Variants in NIPBL observed in about 807,000 individuals in gnomAD.
NIPBL encodes the protein NIPBL cohesin loading factor.
In NIPBL, 19 loss-of-function variants were observed where a neutral mutation model predicts 321.8. That is an observed-to-expected ratio of 0.06 (90% confidence interval 0.04 to 0.09). The LOEUF (loss-of-function observed/expected upper bound fraction) is 0.09. Among genes scored for constraint, NIPBL ranks in the 10% least tolerant of loss-of-function variants. The probability of loss-of-function intolerance (pLI) is 1.00; values close to 1 mark genes in which losing one functional copy is unlikely to be tolerated. For synonymous variants in NIPBL, 1,106 were observed against 1,114.1 expected, an observed-to-expected ratio of 0.99 and a Z score of 0.14; for missense variants, 2,210 against 3,327.0, an observed-to-expected ratio of 0.66 and a Z score of 8.26.
chr5:37,007,981 T>C, intron 18 of NIPBL, 27 bp from the exon 19 acceptor site: 1 of 1,317,558 alleles, frequency 7.6e-7, no homozygotes, highest in Non-Finnish European at 1.1e-6. Flanking sequence ...TAAAGGTGTA[T>C]ACTACTTACT....
At chr5:37,005,280 C>T (rs1196979887) in intron 16 of NIPBL, among the ~76,000 whole-genome samples, 1 of 152,000 alleles carries the variant, frequency 6.6e-6, no homozygotes, top group Non-Finnish European at 1.5e-5. Context: ...TTACTTTTTG[C>T]ATCACAGAAA....
chr5:37,057,677 CACA>C (rs1381681554), intron 43 of NIPBL, among the ~76,000 whole-genome samples: 4 of 152,178 alleles, frequency 2.6e-5, no homozygotes, highest in African/African-American at 7.2e-5. Flanking sequence ...ATGCTGTAAT[CACA>C]ACATTACACA....
intron 1 of NIPBL, among the ~76,000 whole-genome samples, chr5:36,892,484 C>A (rs554813063): frequency 6.6e-6 from 1 of 152,266 alleles, no homozygotes; most frequent in African/African-American, 2.4e-5. Flanking sequence ...AAGACACATG[C>A]ACACGTATGT....
rs293756 is a variant in NIPBL at position 36,985,649 on chromosome 5, A to G, written c.2469A>G (p.Lys823=). Reference sequence around the variant, plus strand: ...GACGTGACCATGATAATAAACAAAAATCAGATGACAGGGGTGAATCAGAGC... The same window carrying G: ...GACGTGACCATGATAATAAACAAAAGTCAGATGACAGGGGTGAATCAGAGC... ...SLRRDHDNKQ[K]SDDRGESERH... is the part of the protein sequence containing the mutation. Residue 823 remains lysine (K), a synonymous_variant, in exon 10 of 47, where the codon AAA becomes AAG. Coordinates refer to ENST00000282516, the MANE Select transcript of NIPBL (RefSeq NM_133433.4). 9,711 of 1,613,946 alleles carry G rather than the reference A, an allele frequency of 6.0e-3. 516 individuals are homozygous for G. In the African/African-American group the frequency reaches 0.12, roughly 19 times the overall value.
rs1390862400 is a variant in NIPBL, at chr5:37,038,486, TGAG to T, written c.5972-114_5972-112del. 3.9e-6 allele frequency: 3 copies of T among 769,206 alleles called. No homozygotes were observed. The South Asian group carries it at 5.4e-5, about 14-fold the overall frequency. 47.6% of individuals were successfully genotyped at this position (769,206 alleles called of 1,614,324 possible). ...CATAAGAACTACTAATTCATTATATTGAGGCCTATACTGGACCTATTTAGGGGA... is the reference window on the plus strand; with the variant it reads ...CATAAGAACTACTAATTCATTATATTGCCTATACTGGACCTATTTAGGGGA... On this transcript the variant is annotated intron_variant, in intron 33 of 46. Transcript: ENST00000282516.
At chr5:36,983,453 C>T (rs2149640673) in intron 9 of NIPBL, among the ~76,000 whole-genome samples, 1 of 151,990 alleles carries the variant, frequency 6.6e-6, no homozygotes, top group African/African-American at 2.4e-5. Flanking sequence ...AAAAAAATCA[C>T]AACTTGGTTC....
intron 1 of NIPBL, among the ~76,000 whole-genome samples, chr5:36,941,512 C>CA (rs777774119): frequency 0.014 from 1,273 of 91,310 alleles, 13 homozygotes; most frequent in Middle Eastern, 0.052. Flanking sequence ...AACCCAGAAC[C>CA]AAAAAAAAAA....
rs370655684 is a variant in NIPBL at position 36,943,489 on chromosome 5, A to G, written c.-79-10129A>G. On this transcript the variant is annotated intron_variant, in intron 1 of 46. Coordinates refer to ENST00000282516, the MANE Select transcript of NIPBL (RefSeq NM_133433.4). The stretch of plus-strand genomic sequence containing the variant: ...ACATAGATTGAATGCTATATCTATC[A>G]TATTCCAAGCAGCTTTGTAGAAACT... Among the ~76,000 whole-genome samples, 17 of 152,290 alleles carry G rather than the reference A, an allele frequency of 1.1e-4. No individual in the cohort carries two copies. In the East Asian group the frequency reaches 2.9e-3, roughly 26 times the overall value.
intron 33 of NIPBL, among the ~76,000 whole-genome samples, chr5:37,038,265 C>A (rs1322543401): frequency 6.6e-6 from 1 of 152,176 alleles, no homozygotes; most frequent in East Asian, 1.9e-4. Flanking sequence ...GCTGGGATTA[C>A]AGGTGTGAGC....
chr5:36,877,061 T>G lies in NIPBL; in HGVS notation c.-197T>G. 2 of 321,946 alleles carry G rather than the reference T, an allele frequency of 6.2e-6. No individual in the cohort carries two copies. The highest frequency in any genetic ancestry group is 1.1e-5 in the Non-Finnish European group (2 of 177,678). The allele number at this position is 321,946 out of a possible 1,614,324, so 19.9% of individuals were successfully genotyped here. ...GCTGGTCTCCCCCCGGCTCTACATG[T>G]TCCCCGCACTGAGGAGACGGAAGAG... is the stretch of plus-strand genomic sequence containing the variant. On this transcript the variant is annotated 5_prime_UTR_variant, in exon 1 of 47. Transcript: ENST00000282516.
At chr5:37,014,789 G>A (rs889893002) in intron 22 of NIPBL, 24 bp downstream of exon 22, 1 of 1,412,832 alleles carries the variant, frequency 7.1e-7, no homozygotes, top group Admixed American at 1.7e-5. Flanking sequence ...ATATAAATCT[G>A]GTTTTTCTTT....
chr5:36,986,301 G>A lies in NIPBL; in HGVS notation c.3121G>A (p.Gly1041Ser). Residue 1041 changes from glycine (G) to serine (S), a missense_variant and splice_region_variant, in exon 10 of 47, where the codon GGT (glycine) becomes AGT (serine). Gly to Ser is a moderately conservative substitution (Grantham distance 56, BLOSUM62 0). Transcript: ENST00000282516. ...GAATAAACCATCAAAGTCAAATAAA[G>A]GTAAGAATACTTCTACTGATGTCAT... ...IKNKPSKSNK[G>S]SIDQSVLKEL... The A allele has an allele frequency of 1.3e-6, 2 of 1,492,230 alleles. No homozygotes were observed. The highest frequency in any genetic ancestry group is 1.8e-6 in the Non-Finnish European group (2 of 1,123,324). 92.4% of individuals were successfully genotyped at this position (1,492,230 alleles called of 1,614,324 possible).
At position 36,926,130 on chromosome 5, in the gene NIPBL, T is replaced by G. The variant is rs567618699; in HGVS notation, c.-79-27488T>G. 2.0e-5 allele frequency among the ~76,000 whole-genome samples: 3 copies of G among 152,330 alleles called. No individual in the cohort carries two copies. The South Asian group carries it at 6.2e-4, about 32-fold the overall frequency. On this transcript the variant is annotated intron_variant, in intron 1 of 46. Transcript: ENST00000282516. ...CACTCTGTGAATTCTTTACCACTTT[T>G]GAACACTGTAAATGTACCTTTGAGA...
intron 1 of NIPBL, among the ~76,000 whole-genome samples, chr5:36,940,867 A>G (rs1442206419): frequency 6.6e-6 from 1 of 152,236 alleles, no homozygotes; most frequent in African/African-American, 2.4e-5. Context: ...GCACTATGTT[A>G]GTATCATCAA....
intron 32 of NIPBL, among the ~76,000 whole-genome samples, chr5:37,031,790 C>T (rs1215184299): frequency 1.3e-5 from 2 of 152,160 alleles, no homozygotes; most frequent in Non-Finnish European, 2.9e-5. Context: ...GGTATTAATA[C>T]ATACAGCAAC....
intron 42 of NIPBL, among the ~76,000 whole-genome samples, chr5:37,056,812 C>CT (rs1754136212): frequency 6.6e-6 from 1 of 151,984 alleles, no homozygotes; most frequent in Non-Finnish European, 1.5e-5. Flanking sequence ...TCCATATACT[C>CT]TAAGAAAACT....
At position 37,065,020 on chromosome 5, in the gene NIPBL, A is replaced by C; in HGVS notation, c.*128A>C. 5 of 1,134,016 alleles carry C rather than the reference A, an allele frequency of 4.4e-6. No homozygotes were observed. Among genetic ancestry groups the C allele is most frequent in the Non-Finnish European group, 6.4e-6 (5 of 779,962 alleles). 70.2% of individuals were successfully genotyped at this position (1,134,016 alleles called of 1,614,324 possible). A position where few individuals can be genotyped will look rare whatever the true frequency, so the allele number is the denominator to read the frequency against. ...AGTGGAACCTGGGATGCAGGAACAAAAGAAGGAAATGTTGGGCAAACATTT... is the reference window on the plus strand; with the variant it reads ...AGTGGAACCTGGGATGCAGGAACAACAGAAGGAAATGTTGGGCAAACATTT... On this transcript the variant is annotated 3_prime_UTR_variant, in exon 47 of 47. Transcript: ENST00000282516.
At chr5:36,956,630 T>G (rs1376798129) in intron 3 of NIPBL, among the ~76,000 whole-genome samples, 2 of 139,076 alleles carry the variant, frequency 1.4e-5, no homozygotes, top group Non-Finnish European at 3.1e-5. Flanking sequence ...TTTTTTTTTT[T>G]TTTTTTTTTT....
chr5:37,051,715 A>T, intron 40 of NIPBL, 64 bp from the exon 41 acceptor site: 1 of 1,088,912 alleles, frequency 9.2e-7, no homozygotes, highest in Non-Finnish European at 1.4e-6. Context: ...AAAAGTTTTG[A>T]CATATGTCTA....
Sources: allele counts gnomAD v4.1 joint callset (sites outside exome capture counted in the v4.1 genomes callset), GRCh38; gene constraint gnomAD v4.1.1; transcripts MANE v1.5; gene names NCBI Gene and HGNC (gene_info 2026-07-23, HGNC 2026-07-21).